Variants in LPAR3 observed in about 807,000 individuals in gnomAD.
LPAR3 encodes the protein LPA receptor 3.
A neutral mutation model predicts 17.8 loss-of-function variants in LPAR3; 7 were observed. The observed-to-expected ratio is 0.39, with a 90% CI of 0.22 to 0.74. LPAR3 has a LOEUF of 0.74. Ranked by LOEUF, LPAR3 falls within the 30% of genes least tolerant of loss-of-function variation. The pLI is 0.40. For synonymous variants in LPAR3, 179 were observed against 179.9 expected, an observed-to-expected ratio of 0.99 and a Z score of 0.04; for missense variants, 391 against 453.4, an observed-to-expected ratio of 0.86 and a Z score of 1.25.
intron 1 of LPAR3, among the ~76,000 whole-genome samples, chr1:84,867,485 C>A (rs762281904): frequency 1.4e-4 from 21 of 152,042 alleles, no homozygotes; most frequent in Admixed American, 3.9e-4. Context: ...AATACCACAA[C>A]CAGAATCAAG....
chr1:84,865,336 A>G, intron 2 of LPAR3, 49 bp downstream of exon 2: 1 of 1,543,982 alleles, frequency 6.5e-7, no homozygotes, highest in Non-Finnish European at 8.7e-7. Flanking sequence ...CTCCGTAAAG[A>G]TTTGCTGAAT....
chr1:84,822,365 TA>T (rs1389991110), intron 2 of LPAR3, among the ~76,000 whole-genome samples: 1 of 152,174 alleles, frequency 6.6e-6, no homozygotes, highest in Non-Finnish European at 1.5e-5. Context: ...TTTTTAAAGT[TA>T]AGTGAATAGC....
Position 84,866,043 on chromosome 1 carries a change from T to C in LPAR3, c.78A>G (p.Thr26=), listed in dbSNP as rs1253561723. 7 of 1,614,030 alleles carry C rather than the reference T, an allele frequency of 4.3e-6. No homozygotes were observed. Among genetic ancestry groups the C allele is most frequent in the Non-Finnish European group, 5.9e-6 (7 of 1,180,014 alleles). ...ACAAAACAATCACAAGCTTTGTTCC[T>C]GTCCAGTCATCGACAGTATCAGTGT... The part of the protein sequence containing the change: ...RSNTDTVDDW[T]GTKLVIVLCV... Residue 26 remains threonine (T), a synonymous_variant, in exon 2 of 3, where the codon ACA becomes ACG. Transcript: ENST00000370611.
chr1:84,844,768 A>G (rs1438339386), intron 2 of LPAR3, among the ~76,000 whole-genome samples: 1 of 152,214 alleles, frequency 6.6e-6, no homozygotes, highest in Non-Finnish European at 1.5e-5. Flanking sequence ...ATTTCTGTAC[A>G]AAAATCATTA....
chr1:84,851,884 T>C (rs1659720389), intron 2 of LPAR3, among the ~76,000 whole-genome samples: 1 of 152,128 alleles, frequency 6.6e-6, no homozygotes, highest in Non-Finnish European at 1.5e-5. Flanking sequence ...CAGAGCTAAC[T>C]GTGCTTTTTA....
chr1:84,826,101 T>C (rs1206172753), intron 2 of LPAR3, among the ~76,000 whole-genome samples: 3 of 151,900 alleles, frequency 2.0e-5, no homozygotes, highest in African/African-American at 7.3e-5. Flanking sequence ...ATCACTACTC[T>C]AGAGCTCGAG....
intron 1 of LPAR3, among the ~76,000 whole-genome samples, chr1:84,875,335 GTA>G (rs1660236874): frequency 1.3e-5 from 2 of 152,238 alleles, no homozygotes; most frequent in African/African-American, 4.8e-5. Flanking sequence ...TTCTGCTATG[GTA>G]TAATTATGCC....
chr1:84,842,538 C>T lies in LPAR3; in HGVS notation c.736+22847G>A, dbSNP rs181545282. ...GAAAAGATGTTTTAAAAGAAATGCA[C>T]TTAAGTAGATTAGTTTTCATTTTGA... On this transcript the variant is annotated intron_variant, in intron 2 of 2. Coordinates refer to ENST00000370611, the MANE Select transcript of LPAR3 (RefSeq NM_012152.3). 1.5e-3 allele frequency among the ~76,000 whole-genome samples: 236 copies of T among 152,274 alleles called. 2 individuals are homozygous for T. The highest frequency in any genetic ancestry group is 1.6e-3 in the Non-Finnish European group (111 of 68,020).
intron 2 of LPAR3, among the ~76,000 whole-genome samples, chr1:84,817,158 G>A (rs1658949391): frequency 6.6e-6 from 1 of 152,044 alleles, no homozygotes; most frequent in African/African-American, 2.4e-5. Context: ...GTCATAGTCT[G>A]AGCATTGAGG....
At chr1:84,825,738 G>A (rs192516767) in intron 2 of LPAR3, among the ~76,000 whole-genome samples, 1 of 152,286 alleles carries the variant, frequency 6.6e-6, no homozygotes, top group Admixed American at 6.5e-5. Context: ...TGATGATGAC[G>A]CTGAGGTTCC....
At chr1:84,853,304 G>A (rs1659756791) in intron 2 of LPAR3, among the ~76,000 whole-genome samples, 1 of 152,140 alleles carries the variant, frequency 6.6e-6, no homozygotes, top group Admixed American at 6.5e-5. Flanking sequence ...TGAAAAGCTA[G>A]GATGGTAAGG....
intron 2 of LPAR3, among the ~76,000 whole-genome samples, chr1:84,850,138 T>C (rs1264414199): frequency 1.3e-5 from 2 of 152,102 alleles, no homozygotes; most frequent in Non-Finnish European, 2.9e-5. Flanking sequence ...TATATTTTAG[T>C]ACCTTCAGTG....
Position 84,852,300 on chromosome 1 carries a change from C to T in LPAR3, c.736+13085G>A, listed in dbSNP as rs569019413. On this transcript the variant is annotated intron_variant, in intron 2 of 2. Coordinates refer to ENST00000370611, the MANE Select transcript of LPAR3 (RefSeq NM_012152.3). ...TTCACCATGTTGGCCAGGATGGTCT[C>T]GATCTCTTGACCTCGTGATCTGCCC... is the stretch of plus-strand genomic sequence containing the variant. Among the ~76,000 whole-genome samples, 9 of 152,196 alleles carry T rather than the reference C, an allele frequency of 5.9e-5. No individual in the cohort carries two copies. The South Asian group carries it at 1.0e-3, about 18-fold the overall frequency.
At chr1:84,878,448 T>C (rs1157871171) in intron 1 of LPAR3, among the ~76,000 whole-genome samples, 2 of 152,118 alleles carry the variant, frequency 1.3e-5, no homozygotes, top group Non-Finnish European at 2.9e-5. Context: ...CCAAAAATAT[T>C]ATTGCTTAAG....
In LPAR3 at chr1:84,825,175, T is replaced by C. The variant is rs1570859744; in HGVS notation, c.737-11004A>G. Among the ~76,000 whole-genome samples the C allele has an allele frequency of 2.6e-5, 4 of 152,278 alleles. No individual in the cohort carries two copies. The South Asian group carries it at 8.3e-4, about 32-fold the overall frequency. ...TCCTTTAGTCACAGCCAACATGCAG[T>C]GCTAGGAACTGAGGAGAAAGACAAA... is the stretch of plus-strand genomic sequence containing the variant. On this transcript the variant is annotated intron_variant, in intron 2 of 2. Transcript: ENST00000370611.
At chr1:84,815,380 G>A (rs1213566410) in intron 2 of LPAR3, among the ~76,000 whole-genome samples, 1 of 152,222 alleles carries the variant, frequency 6.6e-6, no homozygotes, top group African/African-American at 2.4e-5. Flanking sequence ...GACAGTGAGT[G>A]AGGTGAAGGC....
chr1:84,828,496 GT>G (rs1344108533), intron 2 of LPAR3, among the ~76,000 whole-genome samples: 1 of 152,090 alleles, frequency 6.6e-6, no homozygotes, highest in African/African-American at 2.4e-5. Context: ...CTTTTTAAAA[GT>G]TTACTTTGTA....
chr1:84,848,077 G>A (rs988684923), intron 2 of LPAR3, among the ~76,000 whole-genome samples: 1 of 152,152 alleles, frequency 6.6e-6, no homozygotes, highest in Non-Finnish European at 1.5e-5. Flanking sequence ...ATGGGCCTTT[G>A]TGAGTCTGCC....
chr1:84,869,007 T>C (rs1402024867), intron 1 of LPAR3, among the ~76,000 whole-genome samples: 1 of 152,190 alleles, frequency 6.6e-6, no homozygotes, highest in Middle Eastern at 3.2e-3. Context: ...AGAGAAACAT[T>C]TCTAATTTAA....
Sources: allele counts gnomAD v4.1 joint callset (sites outside exome capture counted in the v4.1 genomes callset), GRCh38; gene constraint gnomAD v4.1.1; transcripts MANE v1.5; gene names NCBI Gene and HGNC (gene_info 2026-07-23, HGNC 2026-07-21).